The following MYRIP variants were observed in gnomAD, a reference collection of about 807,000 sequenced individuals.
MYRIP encodes rab effector MyRIP.
MYRIP carries 49 observed loss-of-function variants against 98.0 expected under a neutral mutation model. That is an observed-to-expected ratio of 0.50 (90% CI 0.40 to 0.63). The LOEUF is 0.63. Ranked by LOEUF, MYRIP falls within the 30% of genes least tolerant of loss-of-function variation. The probability of loss-of-function intolerance (pLI) is 0.00; values close to 1 mark genes in which losing one functional copy is unlikely to be tolerated. For synonymous variants in MYRIP, 404 were observed against 409.5 expected, an observed-to-expected ratio of 0.99 and a Z score of 0.16; for missense variants, 1,004 against 1,058.2, an observed-to-expected ratio of 0.95 and a Z score of 0.71.
chr3:40,251,841 A>C (rs909261557), intron 15 of MYRIP, 40 bp from the exon 16 acceptor site: 1 of 1,387,090 alleles, frequency 7.2e-7, no homozygotes, highest in South Asian at 1.2e-5. Flanking sequence ...CAATCAGTCC[A>C]TCTTCTGGGT....
chr3:40,084,438 A>C (rs1948563386), intron 3 of MYRIP, among the ~76,000 whole-genome samples: 2 of 44,726 alleles, frequency 4.5e-5, no homozygotes, highest in East Asian at 6.3e-4. Context: ...ATACACATCT[A>C]TGTATTATCT....
Position 40,210,048 on chromosome 3 carries a change from G to A in MYRIP, c.1860G>A (p.Leu620=), listed in dbSNP as rs749404733. 1.2e-6 allele frequency: 2 copies of A among 1,614,078 alleles called. No individual in the cohort carries two copies. Among genetic ancestry groups the A allele is most frequent in the Non-Finnish European group, 8.5e-7 (1 of 1,179,970 alleles). Reference sequence around the variant, plus strand: ...AATCTGAGAACCAGAAGGAAAGTCTGTCCTCTGAAGACAACAGCCAGAGTG... The same window carrying A: ...AATCTGAGAACCAGAAGGAAAGTCTATCCTCTGAAGACAACAGCCAGAGTG... ...KTESENQKES[L]SSEDNSQSVQ... The change falls in exon 11 of 17, where the codon CTG becomes CTA. Residue 620 remains leucine (L), a synonymous_variant. Coordinates refer to ENST00000302541, the MANE Select transcript of MYRIP (RefSeq NM_015460.4).
At chr3:39,830,760 G>T (rs1044034048) in intron 1 of MYRIP, among the ~76,000 whole-genome samples, 1 of 151,634 alleles carries the variant, frequency 6.6e-6, no homozygotes, top group Non-Finnish European at 1.5e-5. Flanking sequence ...TCTTTTCTTG[G>T]AAAAACTCCC....
At chr3:39,988,764 T>C (rs942693414) in intron 2 of MYRIP, among the ~76,000 whole-genome samples, 1 of 151,812 alleles carries the variant, frequency 6.6e-6, no homozygotes, top group African/African-American at 2.4e-5. Flanking sequence ...AGCAAGATGG[T>C]CTTCAAATGC....
chr3:39,822,420 C>A (rs374389824), intron 1 of MYRIP, among the ~76,000 whole-genome samples: 5 of 152,072 alleles, frequency 3.3e-5, no homozygotes, highest in Non-Finnish European at 7.4e-5. Flanking sequence ...AACACAAATT[C>A]GTCAAATTCG....
At chr3:40,056,387 G>T (rs1225335501) in intron 3 of MYRIP, among the ~76,000 whole-genome samples, 1 of 152,122 alleles carries the variant, frequency 6.6e-6, no homozygotes, top group Admixed American at 6.6e-5. Flanking sequence ...GCCTCAAGCT[G>T]GAGGCCTGCA....
intron 1 of MYRIP, among the ~76,000 whole-genome samples, chr3:39,875,727 C>A (rs2125636388): frequency 6.6e-6 from 1 of 150,980 alleles, no homozygotes; most frequent in South Asian, 2.1e-4. Flanking sequence ...AATTTCTGTT[C>A]TTTTACATTT....
chr3:40,148,748 CT>C (rs1261639548), intron 3 of MYRIP, among the ~76,000 whole-genome samples: 1 of 151,804 alleles, frequency 6.6e-6, no homozygotes, highest in African/African-American at 2.4e-5. Context: ...ACTCTTTTTT[CT>C]TTCTTCTTAT....
At chr3:40,059,117 C>CT (rs1303295667) in intron 3 of MYRIP, among the ~76,000 whole-genome samples, 1 of 152,252 alleles carries the variant, frequency 6.6e-6, no homozygotes, top group Non-Finnish European at 1.5e-5. Context: ...TGAACTCATC[C>CT]TTTTTTGTGG....
At chr3:40,202,715 G>A (rs1951602039) in intron 10 of MYRIP, among the ~76,000 whole-genome samples, 2 of 152,058 alleles carry the variant, frequency 1.3e-5, no homozygotes, top group African/African-American at 4.8e-5. Flanking sequence ...ATCCACTAGT[G>A]TGACCTTGGG....
chr3:39,991,792 GC>G lies in MYRIP; in HGVS notation c.111-52255del, dbSNP rs371498200. Among the ~76,000 whole-genome samples, 91 of 152,148 alleles carry G rather than the reference GC, an allele frequency of 6.0e-4. 1 individual carries two copies. Among genetic ancestry groups the G allele is most frequent in the African/African-American group, 2.0e-3 (83 of 41,510 alleles). ...TGCTCTATAGCTTCTTTTTTCTGTA[GC>G]CCTTATCACTTTCTACTGTGCTGTA... On this transcript the variant is annotated intron_variant, in intron 2 of 16. Transcript: ENST00000302541.
chr3:40,252,193 G>A (rs1358902914), intron 16 of MYRIP, among the ~76,000 whole-genome samples, 194 bp downstream of exon 16: 4 of 152,034 alleles, frequency 2.6e-5, no homozygotes, highest in South Asian at 2.1e-4. Context: ...GTTGAATAAG[G>A]CCATGAAGCA....
chr3:40,225,473 T>A (rs1952462312), intron 11 of MYRIP, among the ~76,000 whole-genome samples: 1 of 152,210 alleles, frequency 6.6e-6, no homozygotes, highest in African/African-American at 2.4e-5. Flanking sequence ...GCACTCAGAT[T>A]CTGTTTCACC....
chr3:39,833,606 C>A (rs920240142), intron 1 of MYRIP, among the ~76,000 whole-genome samples: 1 of 152,108 alleles, frequency 6.6e-6, no homozygotes, highest in Admixed American at 6.6e-5. Context: ...CCTGGCATAG[C>A]GTTGGGTACA....
At position 40,118,559 on chromosome 3, in the gene MYRIP, GTTTATTTA is replaced by G. The variant is rs200357639; in HGVS notation, c.333-32461_333-32454del. Reference sequence around the variant, plus strand: ...ACTTTTTTTTTTCCCTGGGTTGAAGGTTTATTTATTTATTTATTTATTTATTTATTTAT... The same window carrying G: ...ACTTTTTTTTTTCCCTGGGTTGAAGGTTTATTTATTTATTTATTTATTTAT... On this transcript the variant is annotated intron_variant, in intron 3 of 16. Transcript: ENST00000302541. Among the ~76,000 whole-genome samples the G allele has an allele frequency of 7.7e-3, 1,128 of 147,110 alleles. 17 individuals are homozygous for G. The highest frequency in any genetic ancestry group is 0.025 in the African/African-American group (986 of 40,194).
chr3:39,974,230 T>C (rs1945681660), intron 2 of MYRIP, among the ~76,000 whole-genome samples: 1 of 151,964 alleles, frequency 6.6e-6, no homozygotes, highest in African/African-American at 2.4e-5. Flanking sequence ...TCACCACCGA[T>C]CCCATAGAAA....
At chr3:40,239,918 C>T (rs2125707996) in intron 12 of MYRIP, among the ~76,000 whole-genome samples, 1 of 109,934 alleles carries the variant, frequency 9.1e-6, no homozygotes, top group South Asian at 3.7e-4. Context: ...TTAATTAGAT[C>T]CCATTTGTCA....
At chr3:40,049,933 G>T (rs570994103) in intron 3 of MYRIP, among the ~76,000 whole-genome samples, 12 of 152,302 alleles carry the variant, frequency 7.9e-5, no homozygotes, top group Admixed American at 7.8e-4. Flanking sequence ...TTCAGAGCAA[G>T]GCCCTATTCT....
At chr3:39,956,569 G>GAAAGCA (rs1267686393) in intron 2 of MYRIP, among the ~76,000 whole-genome samples, 4 of 152,124 alleles carry the variant, frequency 2.6e-5, no homozygotes, top group Non-Finnish European at 2.9e-5. Flanking sequence ...GCCCACAAGA[G>GAAAGCA]AAAGCAGGAA....
Sources: allele counts gnomAD v4.1 joint callset (sites outside exome capture counted in the v4.1 genomes callset), GRCh38; gene constraint gnomAD v4.1.1; transcripts MANE v1.5; gene names NCBI Gene and HGNC (gene_info 2026-07-23, HGNC 2026-07-21).